IPO9: variants seen among roughly 807,000 people sequenced by gnomAD.
The protein encoded by IPO9 is importin 9, also known as importin-9.
IPO9 carries 28 observed loss-of-function variants against 128.6 expected under a neutral mutation model. That is an observed-to-expected ratio of 0.22 (90% CI 0.16 to 0.30). IPO9 has a LOEUF of 0.30. IPO9 is among the 10% of genes least tolerant of loss of function. IPO9 has a pLI of 1.00. For synonymous variants in IPO9, 455 were observed against 475.8 expected (o/e 0.96, Z 0.57); for missense variants, 935 against 1,293.9 (o/e 0.72, Z 4.26).
Position 201,858,904 on chromosome 1 carries a change from A to G in IPO9, c.1378A>G (p.Ile460Val), listed in dbSNP as rs1285647071. ...GCTTGCCCTAGGCTCAGTGAAGGCC[A>G]TCATCACTGACAGTGTGAAAAATGG... is the stretch of plus-strand genomic sequence containing the variant. ...CMLALGSVKA[I>V]ITDSVKNGRI... The change falls in exon 13 of 24, where the codon ATC becomes GTC. Residue 460 changes from isoleucine to valine, a missense_variant. By Grantham distance (29) the Ile-to-Val change is conservative. Coordinates refer to ENST00000361565, the MANE Select transcript of IPO9 (RefSeq NM_018085.5). The G allele has an allele frequency of 2.5e-6, 4 of 1,611,854 alleles. No individual in the cohort carries two copies. The highest frequency in any genetic ancestry group is 1.1e-5 in the South Asian group (1 of 90,912).
Position 201,871,338 on chromosome 1 carries a change from ATCTT to A in IPO9, c.2576+17_2576+20del, listed in dbSNP as rs1463131096. 2.8e-6 allele frequency: 4 copies of A among 1,443,358 alleles called. No individual in the cohort carries two copies. The highest frequency in any genetic ancestry group is 2.8e-6 in the Non-Finnish European group (3 of 1,070,580). 89.4% of individuals were successfully genotyped at this position (1,443,358 alleles called of 1,614,324 possible). On this transcript the variant is annotated intron_variant, in intron 19 of 23. Coordinates refer to ENST00000361565, the MANE Select transcript of IPO9 (RefSeq NM_018085.5). ...TGAAGGCAAAGTCAGGTAGAACCTC[ATCTT>A]TCTTTTCTGGGCATTCTGCCACCAC...
Position 201,868,800 on chromosome 1 carries a change from A to G in IPO9, c.2004+4A>G. 1 of 1,555,826 alleles carries G rather than the reference A, an allele frequency of 6.4e-7. No individual in the cohort carries two copies. The highest frequency in any genetic ancestry group is 8.7e-7 in the Non-Finnish European group (1 of 1,152,486). On this transcript the variant is annotated splice_donor_region_variant and intron_variant, in intron 16 of 23. Coordinates refer to ENST00000361565, the MANE Select transcript of IPO9 (RefSeq NM_018085.5). ...GATTCCTGCAGGGCTTTGTGCGGTAAGTGGCCGTGTGTGTGTGTGTGTGTG... is the reference window on the plus strand; with the variant it reads ...GATTCCTGCAGGGCTTTGTGCGGTAGGTGGCCGTGTGTGTGTGTGTGTGTG...
Position 201,829,250 on chromosome 1 carries a change from C to G in IPO9, c.41C>G (p.Pro14Arg), listed in dbSNP as rs1301364427. Reference sequence around the variant, plus strand: ...GCAGCTGGTGCGGCCTCCGGGCTGCCGGGTCCAGTGGCACAAGGATTAAAG... The same window carrying G: ...GCAGCTGGTGCGGCCTCCGGGCTGCGGGGTCCAGTGGCACAAGGATTAAAG... ...AAAAGAASGL[P>R]GPVAQGLKEA... The change falls in exon 1 of 24, where the codon CCG becomes CGG. Residue 14 changes from proline (P) to arginine (R), a missense_variant. Around this residue, in one of 3 missense-constraint regions of IPO9, gnomAD observed 741 missense variants for 1,019.1 expected, o/e 0.73. Transcript: ENST00000361565. The G allele has an allele frequency of 6.3e-6, 10 of 1,583,848 alleles. No individual in the cohort carries two copies. The highest frequency in any genetic ancestry group is 8.6e-6 in the Non-Finnish European group (10 of 1,168,200).
chr1:201,866,567 G>T (rs1253959902), intron 14 of IPO9, among the ~76,000 whole-genome samples, 166 bp from the exon 15 acceptor site: 1 of 152,010 alleles, frequency 6.6e-6, no homozygotes, highest in Non-Finnish European at 1.5e-5. Context: ...AGAAATGGTG[G>T]TGTTGATGTT....
chr1:201,852,531 A>C (rs1680239818), intron 5 of IPO9, among the ~76,000 whole-genome samples: 1 of 152,218 alleles, frequency 6.6e-6, no homozygotes, highest in Non-Finnish European at 1.5e-5. Flanking sequence ...AGTAATGGGA[A>C]GCAATCTATC....
rs1680754238 is a variant in IPO9 at position 201,875,936 on chromosome 1, T to C, written c.3016-8T>C. 6.3e-7 allele frequency: 1 copy of C among 1,575,406 alleles called. No homozygotes were observed. The highest frequency in any genetic ancestry group is 8.7e-7 in the Non-Finnish European group (1 of 1,144,930). ...TCTCACTAATGCCACTCTTGCTCTTTCCTCCAGGCATATCTCACAGATTTC... is the reference window on the plus strand; with the variant it reads ...TCTCACTAATGCCACTCTTGCTCTTCCCTCCAGGCATATCTCACAGATTTC... On this transcript the variant is annotated splice_polypyrimidine_tract_variant and splice_region_variant and intron_variant, in intron 23 of 23. Transcript: ENST00000361565.
chr1:201,847,636 A>G lies in IPO9; in HGVS notation c.310A>G (p.Arg104Gly). ...EKFRPPETTE[R>G]AKIVIRELLP... ...ATTTAGGCCTCCTGAAACTACAGAA[A>G]GGGTAAGTCAGTTACTTGATTAGTC... The change falls in exon 3 of 24, where the codon AGG (arginine) becomes GGG (glycine). Residue 104 changes from arginine (R) to glycine (G), a missense_variant and splice_region_variant. Physicochemically the swap from Arg to Gly is moderately radical, Grantham distance 125 (BLOSUM62 -2). Around this residue, in one of 3 missense-constraint regions of IPO9, gnomAD observed 741 missense variants for 1,019.1 expected, o/e 0.73. Coordinates refer to ENST00000361565, the MANE Select transcript of IPO9 (RefSeq NM_018085.5). The G allele has an allele frequency of 6.2e-7, 1 of 1,606,430 alleles. No homozygotes were observed. Among genetic ancestry groups the G allele is most frequent in the Non-Finnish European group, 8.5e-7 (1 of 1,173,004 alleles).
chr1:201,872,617 A>ACAG (rs955533415), intron 19 of IPO9, among the ~76,000 whole-genome samples: 1 of 151,846 alleles, frequency 6.6e-6, no homozygotes, highest in Non-Finnish European at 1.5e-5. Flanking sequence ...AACAACAACA[A>ACAG]CAACAACAAC....
Position 201,870,621 on chromosome 1 carries a change from C to T in IPO9, c.2172C>T (p.Thr724=). The part of the protein sequence containing the change: ...GECLRAYVSV[T]LEQVAQWHDE... ...GCTTGCGGGCCTATGTGTCAGTGAC[C>T]CTGGAACAAGTAGCCCAGTGGCATG... Residue 724 remains threonine, a synonymous_variant, in exon 18 of 24, where the codon ACC becomes ACT. Coordinates refer to ENST00000361565, the MANE Select transcript of IPO9 (RefSeq NM_018085.5). This position sits in a 1 kb window ranked among gnomAD's most constrained non-coding sequence, Gnocchi z 4.9. 2 of 1,614,186 alleles carry T rather than the reference C, an allele frequency of 1.2e-6. No homozygotes were observed. Among genetic ancestry groups the T allele is most frequent in the Non-Finnish European group, 1.7e-6 (2 of 1,180,032 alleles).
intron 4 of IPO9, chr1:201,850,490 A>G (rs1680194610): frequency 6.6e-6 from 1 of 152,220 alleles, no homozygotes; most frequent in Non-Finnish European, 1.5e-5. Context: ...AAATGCAAAT[A>G]TAGCAGCTAA....
At chr1:201,834,202 CTTTTCTT>C (rs1679885677) in intron 1 of IPO9, among the ~76,000 whole-genome samples, 2 of 120,856 alleles carry the variant, frequency 1.7e-5, no homozygotes, top group Non-Finnish European at 1.9e-5. Context: ...AAAAACTTTT[CTTTTCTT>C]TTTTTTTTTT....
At chr1:201,832,068 A>C (rs1679846120) in intron 1 of IPO9, among the ~76,000 whole-genome samples, 1 of 150,648 alleles carries the variant, frequency 6.6e-6, no homozygotes. Context: ...TGCCTGGCTA[A>C]TTTTTGTATT....
intron 20 of IPO9, 143 bp downstream of exon 20, chr1:201,873,104 A>C: frequency 1.0e-6 from 1 of 997,848 alleles, no homozygotes; most frequent in South Asian, 1.9e-5. Flanking sequence ...CAGGAAACTT[A>C]GGTAAAAGGG....
chr1:201,858,818 T>G, intron 12 of IPO9, 37 bp from the exon 13 acceptor site: 1 of 1,570,876 alleles, frequency 6.4e-7, no homozygotes, highest in Admixed American at 1.7e-5. Flanking sequence ...TTTTGGCAGT[T>G]TAGTATGTTT....
chr1:201,843,861 G>T (rs61821758), intron 1 of IPO9, among the ~76,000 whole-genome samples: 2,224 of 151,328 alleles, frequency 0.015, 26 homozygotes, highest in Non-Finnish European at 0.024. Flanking sequence ...TCTTATTACT[G>T]TAGTCAGTTA....
intron 16 of IPO9, 69 bp from the exon 17 acceptor site, chr1:201,869,521 G>T: frequency 6.3e-7 from 1 of 1,581,464 alleles, no homozygotes; most frequent in Non-Finnish European, 8.6e-7. Context: ...CATCCAGTAA[G>T]GATCTTGGTT....
At chr1:201,852,926 T>C in intron 5 of IPO9, 85 bp from the exon 6 acceptor site, 2 of 1,035,228 alleles carry the variant, frequency 1.9e-6, no homozygotes, top group Admixed American at 1.8e-5. Context: ...TCATTAGTCA[T>C]AGTTTTACTT....
chr1:201,843,828 A>C (rs1185761779), intron 1 of IPO9, among the ~76,000 whole-genome samples: 17 of 68,310 alleles, frequency 2.5e-4, no homozygotes, highest in Non-Finnish European at 5.5e-4. Context: ...ATTCTGTCTC[A>C]AAAAAAAAAA....
rs1220591240 is a variant in IPO9 at position 201,855,910 on chromosome 1, G to A, written c.1098G>A (p.Leu366=). Residue 366 remains leucine (L), a synonymous_variant, in exon 10 of 24, where the codon CTG becomes CTA. Coordinates refer to ENST00000361565, the MANE Select transcript of IPO9 (RefSeq NM_018085.5). ...CTGAATTGATTTATTATATTATCCTGTACATGCAAATCACTGAGGAGCAGG... is the reference window on the plus strand; with the variant it reads ...CTGAATTGATTTATTATATTATCCTATACATGCAAATCACTGAGGAGCAGG... ...ALPELIYYII[L]YMQITEEQIK... 3 of 1,593,734 alleles carry A rather than the reference G, an allele frequency of 1.9e-6. No homozygotes were observed. The highest frequency in any genetic ancestry group is 2.3e-5 in the South Asian group (2 of 86,266).
Sources: gnomAD v4.1 joint callset for allele counts (sites outside exome capture counted in the v4.1 genomes callset) on GRCh38, gnomAD v4.1.1 for gene constraint, gnomAD v4.1.1 regional missense constraint, Gnocchi (gnomAD v3.1) non-coding constraint, MANE v1.5 for transcripts, NCBI Gene and HGNC (gene_info 2026-07-23, HGNC 2026-07-21) for gene names.